THADA: variants seen among roughly 807,000 people sequenced by gnomAD.
THADA encodes the protein THADA armadillo repeat containing.
In THADA, 213 loss-of-function variants were observed where a neutral mutation model predicts 219.8. That is an observed-to-expected ratio of 0.97 (90% CI 0.87 to 1.09). The LOEUF (loss-of-function observed/expected upper bound fraction) is 1.09. Ranked by LOEUF, THADA falls within the 50% of genes least tolerant of loss-of-function variation. The pLI is 0.00. For missense variants in THADA, 2,956 were observed against 2,311.3 expected (o/e 1.28, Z -5.72); for synonymous variants, 1,018 against 828.9 (o/e 1.23, Z -3.92).
intron 29 of THADA, among the ~76,000 whole-genome samples, chr2:43,386,080 A>G (rs1285938368): frequency 3.9e-5 from 6 of 152,194 alleles, no homozygotes; most frequent in Non-Finnish European, 7.3e-5. Context: ...TGATGCCCAT[A>G]CATACCTCAA....
intron 36 of THADA, among the ~76,000 whole-genome samples, chr2:43,266,604 A>G (rs55746273): frequency 0.012 from 1,823 of 152,232 alleles, 30 homozygotes; most frequent in African/African-American, 0.041. Flanking sequence ...CTCCCTCTCA[A>G]AAACAAAAAA....
intron 22 of THADA, 109 bp downstream of exon 22, chr2:43,527,769 AC>A (rs1456382302): frequency 1.3e-5 from 9 of 703,570 alleles, no homozygotes; most frequent in Non-Finnish European, 2.1e-5. Flanking sequence ...TTTGTAGTCA[AC>A]CAGGTCTTAT....
At chr2:43,438,035 C>T (rs1680342107) in intron 26 of THADA, among the ~76,000 whole-genome samples, 1 of 152,094 alleles carries the variant, frequency 6.6e-6, no homozygotes, top group South Asian at 2.1e-4. Context: ...GGCGCGGTGG[C>T]TCACGCCTGT....
chr2:43,447,817 T>C (rs1026301135), intron 26 of THADA, among the ~76,000 whole-genome samples: 5 of 152,222 alleles, frequency 3.3e-5, no homozygotes, highest in African/African-American at 4.8e-5. Flanking sequence ...GTAATATTTC[T>C]CTTTCCCAGT....
intron 26 of THADA, among the ~76,000 whole-genome samples, chr2:43,462,552 G>A (rs1042863447): frequency 1.6e-4 from 25 of 152,138 alleles, no homozygotes; most frequent in Admixed American, 1.6e-3. Context: ...CTAGAGAAAA[G>A]TGATATTTAA....
intron 29 of THADA, among the ~76,000 whole-genome samples, chr2:43,368,637 A>G (rs1482496641): frequency 1.3e-5 from 2 of 151,096 alleles, no homozygotes; most frequent in Admixed American, 6.6e-5. Flanking sequence ...GCCTCAAGTG[A>G]TCCTCTTGTC....
intron 25 of THADA, among the ~76,000 whole-genome samples, chr2:43,487,081 G>T (rs568628604): frequency 2.5e-4 from 38 of 152,224 alleles, no homozygotes; most frequent in African/African-American, 8.2e-4. Context: ...ATCCAAGGAG[G>T]CCCTACTATG....
rs564336806 is a variant in THADA, at chr2:43,266,973, T to A, written c.5296+12792A>T. ...ATTGCTCCTTTTTTTTGGTCTCTAC[T>A]AAGTGTTTTCTTCCTTCCCAGTCCC... On this transcript the variant is annotated intron_variant, in intron 36 of 37. Coordinates refer to ENST00000405975, the MANE Select transcript of THADA (RefSeq NM_022065.5). 7.0e-3 allele frequency among the ~76,000 whole-genome samples: 1,063 copies of A among 152,294 alleles called. 3 individuals carry two copies. The highest frequency in any genetic ancestry group is 0.012 in the Non-Finnish European group (798 of 68,022).
chr2:43,381,348 T>TC, intron 29 of THADA, among the ~76,000 whole-genome samples: 1 of 152,062 alleles, frequency 6.6e-6, no homozygotes, highest in East Asian at 1.9e-4. Flanking sequence ...GAGACAAATT[T>TC]CCCACACAGA....
chr2:43,308,530 C>A (rs1369489378), intron 31 of THADA, among the ~76,000 whole-genome samples: 5 of 151,952 alleles, frequency 3.3e-5, no homozygotes, highest in Non-Finnish European at 7.4e-5. Context: ...CATAGTGAGA[C>A]CTTGTCTTTA....
At chr2:43,551,650 T>A in intron 19 of THADA, 139 bp downstream of exon 19, 1 of 707,690 alleles carries the variant, frequency 1.4e-6, no homozygotes, top group Non-Finnish European at 2.0e-6. Flanking sequence ...AAGGCAGAAA[T>A]ACCACAAATA....
At chr2:43,289,754 C>T (rs1046341965) in intron 34 of THADA, among the ~76,000 whole-genome samples, 1 of 151,994 alleles carries the variant, frequency 6.6e-6, no homozygotes, top group Admixed American at 6.6e-5. Context: ...TGGGTTCAAG[C>T]GATCCTCCTG....
intron 21 of THADA, among the ~76,000 whole-genome samples, chr2:43,539,992 A>G (rs1414245415): frequency 6.6e-6 from 1 of 152,228 alleles, no homozygotes; most frequent in Non-Finnish European, 1.5e-5. Flanking sequence ...TGTTTTTTAA[A>G]CACTACCCAA....
At chr2:43,401,863 A>G (rs944344787) in intron 28 of THADA, among the ~76,000 whole-genome samples, 11 of 152,138 alleles carry the variant, frequency 7.2e-5, no homozygotes, top group African/African-American at 2.7e-4. Flanking sequence ...GAGCATAAAA[A>G]TATCTCCTAG....
intron 30 of THADA, among the ~76,000 whole-genome samples, chr2:43,329,110 T>C (rs1679671819): frequency 6.6e-6 from 1 of 152,192 alleles, no homozygotes; most frequent in Non-Finnish European, 1.5e-5. Context: ...AGATGCGTGT[T>C]TCCCTCCCTC....
chr2:43,471,174 G>T (rs1458514662), intron 26 of THADA, among the ~76,000 whole-genome samples: 6 of 152,074 alleles, frequency 3.9e-5, no homozygotes, highest in African/African-American at 1.5e-4. Flanking sequence ...CTCATTTACT[G>T]TCACCCCCCA....
intron 25 of THADA, among the ~76,000 whole-genome samples, chr2:43,493,897 T>A (rs1321154910): frequency 6.6e-6 from 1 of 152,224 alleles, no homozygotes; most frequent in East Asian, 1.9e-4. Context: ...CCTCTTGCTA[T>A]CTTACAATCA....
chr2:43,334,511 C>G (rs143377057), intron 30 of THADA, among the ~76,000 whole-genome samples: 1 of 152,300 alleles, frequency 6.6e-6, no homozygotes, highest in African/African-American at 2.4e-5. Flanking sequence ...TTCCTTGTAA[C>G]CTTGGAACCT....
intron 29 of THADA, among the ~76,000 whole-genome samples, chr2:43,365,539 C>T (rs774599936): frequency 1.7e-4 from 26 of 150,778 alleles, no homozygotes; most frequent in Non-Finnish European, 1.8e-4. Flanking sequence ...CCACCGCACT[C>T]CAGCCCAGGT....
Sources: allele counts gnomAD v4.1 joint callset (sites outside exome capture counted in the v4.1 genomes callset), GRCh38; gene constraint gnomAD v4.1.1; transcripts MANE v1.5; gene names NCBI Gene and HGNC (gene_info 2026-07-23, HGNC 2026-07-21).